Variants in PHF19 observed in about 807,000 individuals in gnomAD.
PHF19 encodes the protein polycomb like 3.
A neutral mutation model predicts 79.8 loss-of-function variants in PHF19; 21 were observed. That is an observed-to-expected ratio of 0.26 (90% CI 0.19 to 0.38). The LOEUF is 0.38. PHF19 is among the 10% of genes least tolerant of loss of function. The pLI, the probability that PHF19 is intolerant of heterozygous loss-of-function variation, is 1.00. For missense variants in PHF19, 445 were observed against 744.2 expected (o/e 0.60, Z 4.68); for synonymous variants, 273 against 296.3 (o/e 0.92, Z 0.81).
intron 1 of PHF19, among the ~76,000 whole-genome samples, chr9:120,893,033 C>T (rs957735289): frequency 1.3e-5 from 2 of 152,162 alleles, no homozygotes; most frequent in African/African-American, 4.8e-5. Context: ...CTCGTCTGTA[C>T]AATGGGGACA....
intron 12 of PHF19, among the ~76,000 whole-genome samples, chr9:120,861,595 C>T (rs2045527048): frequency 6.6e-6 from 1 of 152,150 alleles, no homozygotes; most frequent in Admixed American, 6.5e-5. Flanking sequence ...TGCTCTGGAA[C>T]CCTGGTTCCA....
chr9:120,896,038 G>T (rs2046398466), upstream of PHF19, among the ~76,000 whole-genome samples: 1 of 152,166 alleles, frequency 6.6e-6, no homozygotes, highest in African/African-American at 2.4e-5. Flanking sequence ...AAGCTTTGCT[G>T]CTCCTCACTA....
chr9:120,868,887 G>T (rs1232890681), intron 6 of PHF19: 10 of 1,113,732 alleles, frequency 9.0e-6, no homozygotes, highest in Non-Finnish European at 8.9e-6. Flanking sequence ...AACCTTCCGG[G>T]CCCGCCCCCC....
chr9:120,889,166 G>A (rs1396781766), intron 1 of PHF19, among the ~76,000 whole-genome samples: 6 of 152,160 alleles, frequency 3.9e-5, no homozygotes, highest in Non-Finnish European at 5.9e-5. Flanking sequence ...GATGGCACAC[G>A]CTTGTAATCC....
intron 3 of PHF19, among the ~76,000 whole-genome samples, chr9:120,871,908 C>T (rs1485139238): frequency 2.0e-5 from 3 of 151,590 alleles, no homozygotes; most frequent in Non-Finnish European, 4.4e-5. Flanking sequence ...CGTGGTGGCA[C>T]GTGGCTGTAG....
chr9:120,887,205 A>C (rs1226385802), intron 1 of PHF19, among the ~76,000 whole-genome samples: 1 of 152,144 alleles, frequency 6.6e-6, no homozygotes, highest in African/African-American at 2.4e-5. Context: ...CTATAATCCC[A>C]GCTCTTTGGG....
At position 120,870,068 on chromosome 9, in the gene PHF19, G is replaced by T; in HGVS notation, c.365-123C>A. 1 of 1,390,858 alleles carries T rather than the reference G, an allele frequency of 7.2e-7. No homozygotes were observed. The allele number at this position is 1,390,858 out of a possible 1,614,324, so 86.2% of individuals were successfully genotyped here. A position where few individuals can be genotyped will look rare whatever the true frequency, so the allele number is the denominator to read the frequency against. ...CTAGGAGCTCTGCCTGCCAGCTGCC[G>T]GGAGCCTGGCTGCTGGTGCCCACCA... On this transcript the variant is annotated intron_variant, in intron 4 of 14. Transcript: ENST00000373896. This position sits in a 1 kb window ranked among gnomAD's most constrained non-coding sequence, Gnocchi z 4.4.
rs947477475 is a variant in PHF19 at position 120,866,528 on chromosome 9, C to T, written c.710+342G>A. Among the ~76,000 whole-genome samples the T allele has an allele frequency of 1.3e-5, 2 of 152,232 alleles. No homozygotes were observed. The highest frequency in any genetic ancestry group is 2.9e-5 in the Non-Finnish European group (2 of 68,044). ...ATTAAGCCATCCATTTCCCCAGTGA[C>T]TCCCACAGCAACCCTGGGCAGGGCT... On this transcript the variant is annotated intron_variant, in intron 7 of 14. Transcript: ENST00000373896. This position sits in a 1 kb window ranked among gnomAD's most constrained non-coding sequence, Gnocchi z 5.2.
At chr9:120,885,534 T>C (rs1330335849) in intron 1 of PHF19, among the ~76,000 whole-genome samples, 6 of 146,934 alleles carry the variant, frequency 4.1e-5, no homozygotes, top group East Asian at 2.0e-4. Flanking sequence ...GCCGATATCA[T>C]GCCACTGCAC....
rs936319146 is a variant in PHF19, at chr9:120,882,623, C to T, written c.43-7867G>A. ...TTGAGAGGCTGAGGTGGGCGGATCA[C>T]CTGAGGTCCGGAGTTCAAGACCAGC... On this transcript the variant is annotated intron_variant, in intron 1 of 14. Transcript: ENST00000616568. Among the ~76,000 whole-genome samples the T allele has an allele frequency of 3.9e-5, 6 of 152,076 alleles. No homozygotes were observed. In the East Asian group the frequency reaches 1.2e-3, roughly 29 times the overall value.
rs2046002334 is a variant in PHF19, at chr9:120,874,848, G to A, written c.-15-92C>T. 1 of 758,394 alleles carries A rather than the reference G, an allele frequency of 1.3e-6. No homozygotes were observed. Among genetic ancestry groups the A allele is most frequent in the African/African-American group, 1.7e-5 (1 of 57,476 alleles). 47.0% of individuals were successfully genotyped at this position (758,394 alleles called of 1,614,324 possible). On this transcript the variant is annotated intron_variant, in intron 1 of 14. Transcript: ENST00000373896. The surrounding 1 kb of genome is among the most constrained non-coding windows in gnomAD (Gnocchi z 4.5). ...AAGGAAACCACCATTTCTGTACCCTGTGCTATAAGCCAGACTTGGTTATTA... is the reference window on the plus strand; with the variant it reads ...AAGGAAACCACCATTTCTGTACCCTATGCTATAAGCCAGACTTGGTTATTA...
chr9:120,904,103 T>C, the PHF19 span: 1 of 152,256 alleles, frequency 6.6e-6, no homozygotes, highest in African/African-American at 2.4e-5. Flanking sequence ...AGGTGGGGCC[T>C]CTAGGCAGGA....
chr9:120,873,674 G>C (rs1031637523), intron 3 of PHF19, among the ~76,000 whole-genome samples: 1 of 152,228 alleles, frequency 6.6e-6, no homozygotes, highest in African/African-American at 2.4e-5. Context: ...CTGTAGTGCA[G>C]CCAGGAAGCA....
At position 120,857,015 on chromosome 9, in the gene PHF19, T is replaced by C. The variant is rs907412772; in HGVS notation, c.*929A>G. The C allele has an allele frequency of 2.6e-5, 4 of 152,764 alleles. No individual in the cohort carries two copies. Among genetic ancestry groups the C allele is most frequent in the African/African-American group, 9.7e-5 (4 of 41,418 alleles). 9.5% of individuals were successfully genotyped at this position (152,764 alleles called of 1,614,324 possible). A position where few individuals can be genotyped will look rare whatever the true frequency, so the allele number is the denominator to read the frequency against. ...TGCCTAGAGCTGAAAGTACAACACATGTGGATGGAAGCTTGTGCGAGTGGG... is the reference window on the plus strand; with the variant it reads ...TGCCTAGAGCTGAAAGTACAACACACGTGGATGGAAGCTTGTGCGAGTGGG... On this transcript the variant is annotated 3_prime_UTR_variant, in exon 15 of 15. Coordinates refer to ENST00000373896, the MANE Select transcript of PHF19 (RefSeq NM_015651.3).
chr9:120,870,422 G>A lies in PHF19; in HGVS notation c.364+21C>T, dbSNP rs1457882124. The stretch of plus-strand genomic sequence containing the variant: ...GACCTATAGGTCGGGGCCTTCTCAG[G>A]GCCCTGCTCGCTCCACTCACCCAGG... On this transcript the variant is annotated intron_variant, in intron 4 of 14. Transcript: ENST00000373896. The surrounding 1 kb of genome is among the most constrained non-coding windows in gnomAD (Gnocchi z 4.4). 12 of 1,529,872 alleles carry A rather than the reference G, an allele frequency of 7.8e-6. No homozygotes were observed. The highest frequency in any genetic ancestry group is 8.2e-6 in the Non-Finnish European group (9 of 1,103,450). The allele number at this position is 1,529,872 out of a possible 1,614,324, so 94.8% of individuals were successfully genotyped here. A position where few individuals can be genotyped will look rare whatever the true frequency, so the allele number is the denominator to read the frequency against.
At position 120,866,958 on chromosome 9, in the gene PHF19, G is replaced by A; in HGVS notation, c.622C>T (p.Leu208=). 6.2e-7 allele frequency: 1 copy of A among 1,605,102 alleles called. No homozygotes were observed. The highest frequency in any genetic ancestry group is 8.5e-7 in the Non-Finnish European group (1 of 1,171,796). Residue 208 remains leucine (L), a synonymous_variant, in exon 7 of 15, where the codon CTG becomes TTG. Coordinates refer to ENST00000373896, the MANE Select transcript of PHF19 (RefSeq NM_015651.3). This position sits in a 1 kb window ranked among gnomAD's most constrained non-coding sequence, Gnocchi z 5.2. The part of the protein sequence containing the change: ...CYCGGPGEWY[L]RMLQCYRCRQ... ...CACCGGTAACATTGCAGCATCCGCAGGTACCATCTGGAGAGACAGAGGAGC... is the reference window on the plus strand; with the variant it reads ...CACCGGTAACATTGCAGCATCCGCAAGTACCATCTGGAGAGACAGAGGAGC...
intron 1 of PHF19, among the ~76,000 whole-genome samples, chr9:120,890,364 T>C (rs1588139285): frequency 6.6e-6 from 1 of 150,930 alleles, no homozygotes; most frequent in East Asian, 2.0e-4. Flanking sequence ...GGAGAGTTTA[T>C]GGAAAAAAAG....
At chr9:120,872,219 A>G (rs895817124) in intron 3 of PHF19, among the ~76,000 whole-genome samples, 3 of 152,140 alleles carry the variant, frequency 2.0e-5, no homozygotes, top group African/African-American at 7.2e-5. Flanking sequence ...CCCACAGTGC[A>G]TCTCAGTAAG....
chr9:120,876,460 C>G (rs1168197711), intron 1 of PHF19: 1 of 151,848 alleles, frequency 6.6e-6, no homozygotes, highest in African/African-American at 2.4e-5. Context: ...GCCCCCCCAG[C>G]CCCCGCCTCC....
Sources: allele counts gnomAD v4.1 joint callset (sites outside exome capture counted in the v4.1 genomes callset), GRCh38; gene constraint gnomAD v4.1.1; non-coding constraint Gnocchi (gnomAD v3.1); transcripts MANE v1.5; gene names NCBI Gene and HGNC (gene_info 2026-07-23, HGNC 2026-07-21).